NIPBL: variants seen among roughly 807,000 people sequenced by gnomAD.
NIPBL encodes nipped-B-like protein.
NIPBL carries 19 observed loss-of-function variants against 321.8 expected under a neutral mutation model. The ratio of observed to expected loss-of-function variants is 0.06; its 90% CI spans 0.04 to 0.09. The LOEUF (loss-of-function observed/expected upper bound fraction) is 0.09. Among genes scored for constraint, NIPBL ranks in the 10% least tolerant of loss-of-function variants. NIPBL has a pLI of 1.00. For missense variants in NIPBL, 2,210 were observed against 3,327.0 expected, an observed-to-expected ratio of 0.66 and a Z score of 8.26; for synonymous variants, 1,106 against 1,114.1, an observed-to-expected ratio of 0.99 and a Z score of 0.14.
intron 1 of NIPBL, among the ~76,000 whole-genome samples, chr5:36,940,392 A>G (rs566008343): frequency 4.6e-5 from 7 of 152,268 alleles, no homozygotes; most frequent in African/African-American, 1.4e-4. Flanking sequence ...TCAGGAATGA[A>G]CTAATTTGTA....
intron 1 of NIPBL, among the ~76,000 whole-genome samples, chr5:36,926,807 TGTG>T (rs1239631188): frequency 2.0e-4 from 30 of 152,218 alleles, no homozygotes; most frequent in African/African-American, 7.2e-4. Context: ...GTACTAATCA[TGTG>T]GTTTTTAATC....
chr5:36,918,389 T>C (rs1458005842), intron 1 of NIPBL, among the ~76,000 whole-genome samples: 3 of 152,212 alleles, frequency 2.0e-5, no homozygotes, highest in Non-Finnish European at 2.9e-5. Context: ...CCTGAGACTT[T>C]GCTGAAGTTG....
intron 11 of NIPBL, among the ~76,000 whole-genome samples, chr5:36,998,053 TG>T (rs1746349773): frequency 6.6e-6 from 1 of 152,038 alleles, no homozygotes. Flanking sequence ...ACTGGGTGCC[TG>T]GGGAAAATGG....
chr5:36,980,906 A>G (rs1244936153), intron 9 of NIPBL, among the ~76,000 whole-genome samples: 1 of 151,614 alleles, frequency 6.6e-6, no homozygotes, highest in African/African-American at 2.4e-5. Context: ...TTACCTTGAG[A>G]TTTTGAGATG....
chr5:37,016,824 A>G (rs1443332816), intron 23 of NIPBL, among the ~76,000 whole-genome samples, 195 bp from the exon 24 acceptor site: 1 of 152,006 alleles, frequency 6.6e-6, no homozygotes, highest in South Asian at 2.1e-4. Flanking sequence ...TTAATCTGTA[A>G]TTTTTTTAGT....
At chr5:36,971,799 A>G in intron 7 of NIPBL, 146 bp from the exon 8 acceptor site, 1 of 1,457,966 alleles carries the variant, frequency 6.9e-7, no homozygotes, top group Non-Finnish European at 9.1e-7. Context: ...TATACCAAGA[A>G]GAAAACAGGA....
At chr5:37,014,090 C>G (rs1478401686) in intron 21 of NIPBL, among the ~76,000 whole-genome samples, 1 of 152,226 alleles carries the variant, frequency 6.6e-6, no homozygotes, top group Non-Finnish European at 1.5e-5. Flanking sequence ...CTCCTGCAAT[C>G]GCAGCTCTCG....
chr5:37,060,369 G>C (rs1209619707), intron 44 of NIPBL, among the ~76,000 whole-genome samples: 3 of 152,058 alleles, frequency 2.0e-5, no homozygotes, highest in Non-Finnish European at 2.9e-5. Context: ...TAGTTGTGTT[G>C]CTCATGGTAG....
chr5:36,960,161 T>C lies in NIPBL; in HGVS notation c.359-1323T>C, dbSNP rs149645145. 3.7e-3 allele frequency among the ~76,000 whole-genome samples: 559 copies of C among 152,292 alleles called. 3 individuals are homozygous for C. The highest frequency in any genetic ancestry group is 0.013 in the African/African-American group (526 of 41,572). On this transcript the variant is annotated intron_variant, in intron 4 of 46. Transcript: ENST00000282516. ...TGAGTCATGCATGTGGAGAAAATTG[T>C]AATAAAATGCAAATCACTTTAATCA...
chr5:37,047,609 A>G (rs911066249), intron 38 of NIPBL, among the ~76,000 whole-genome samples: 1 of 152,210 alleles, frequency 6.6e-6, no homozygotes, highest in Non-Finnish European at 1.5e-5. Context: ...TAATAGTGTT[A>G]CAAGTATTTC....
chr5:36,952,062 GCGCGCGCGCGCA>G (rs1482556685), intron 1 of NIPBL, among the ~76,000 whole-genome samples: 12 of 132,242 alleles, frequency 9.1e-5, no homozygotes, highest in South Asian at 2.4e-4. Flanking sequence ...GTGCGCGCGC[GCGCGCGCGCGCA>G]TGTGTGTGTG....
rs1216578590 is a variant in NIPBL, at chr5:37,065,753, A to G, written c.*861A>G. Reference sequence around the variant, plus strand: ...CTGCAATATTTAGTATTAACTATATATGATTTAGCACTGTGCCAAACACAT... The same window carrying G: ...CTGCAATATTTAGTATTAACTATATGTGATTTAGCACTGTGCCAAACACAT... On this transcript the variant is annotated 3_prime_UTR_variant, in exon 47 of 47. Coordinates refer to ENST00000282516, the MANE Select transcript of NIPBL (RefSeq NM_133433.4). 6.6e-6 allele frequency: 1 copy of G among 152,632 alleles called. No individual in the cohort carries two copies. The allele number at this position is 152,632 out of a possible 1,614,324, so 9.5% of individuals were successfully genotyped here.
chr5:36,912,254 T>C (rs1029527866), intron 1 of NIPBL, among the ~76,000 whole-genome samples: 9 of 152,240 alleles, frequency 5.9e-5, no homozygotes, highest in Middle Eastern at 3.4e-3. Flanking sequence ...GCTTTAGAGA[T>C]TGAAGTGCTG....
chr5:36,884,072 A>T (rs1326203405), intron 1 of NIPBL, among the ~76,000 whole-genome samples: 1 of 152,066 alleles, frequency 6.6e-6, no homozygotes, highest in Non-Finnish European at 1.5e-5. Context: ...CCATAACGTT[A>T]CCTTCAAGTT....
Position 37,048,488 on chromosome 5 carries a change from C to G in NIPBL, c.6590-14C>G. Reference sequence around the variant, plus strand: ...AATATGAATATATGATGAGATTTTTCCCCTCTCCCATAGGATTTGCCTTTA... The same window carrying G: ...AATATGAATATATGATGAGATTTTTGCCCTCTCCCATAGGATTTGCCTTTA... On this transcript the variant is annotated splice_polypyrimidine_tract_variant and intron_variant, in intron 38 of 46. Transcript: ENST00000282516. 6.8e-7 allele frequency: 1 copy of G among 1,480,050 alleles called. No individual in the cohort carries two copies. The highest frequency in any genetic ancestry group is 9.1e-7 in the Non-Finnish European group (1 of 1,103,296). The allele number at this position is 1,480,050 out of a possible 1,614,324, so 91.7% of individuals were successfully genotyped here. A position where few individuals can be genotyped will look rare whatever the true frequency, so the allele number is the denominator to read the frequency against.
chr5:36,947,430 TATTAA>T (rs1739811271), intron 1 of NIPBL, among the ~76,000 whole-genome samples: 1 of 152,010 alleles, frequency 6.6e-6, no homozygotes, highest in East Asian at 1.9e-4. Flanking sequence ...TCCTTATCAC[TATTAA>T]ATTAGTCTTA....
chr5:36,982,255 T>A, intron 9 of NIPBL: 1 of 969,836 alleles, frequency 1.0e-6, no homozygotes, highest in Non-Finnish European at 1.2e-6. Flanking sequence ...AAATGATTCT[T>A]CATAGAGATG....
In NIPBL at chr5:37,003,148, G is replaced by T. The variant is rs558567520; in HGVS notation, c.3769-113G>T. ...GGGAAAGTTTTCTTACTCTTTAAGA[G>T]GGTGACAATGCTATTTCCTCCATAG... On this transcript the variant is annotated intron_variant, in intron 15 of 46. Coordinates refer to ENST00000282516, the MANE Select transcript of NIPBL (RefSeq NM_133433.4). 23 of 701,338 alleles carry T rather than the reference G, an allele frequency of 3.3e-5. No individual in the cohort carries two copies. The Admixed American group carries it at 4.7e-4, about 14-fold the overall frequency. 43.4% of individuals were successfully genotyped at this position (701,338 alleles called of 1,614,324 possible). A position where few individuals can be genotyped will look rare whatever the true frequency, so the allele number is the denominator to read the frequency against.
chr5:37,030,475 T>C (rs1750868773), intron 32 of NIPBL, among the ~76,000 whole-genome samples: 1 of 152,172 alleles, frequency 6.6e-6, no homozygotes, highest in Admixed American at 6.5e-5. Flanking sequence ...AAGAATGGAC[T>C]GCTGGAGTTA....
Sources: gnomAD v4.1 joint callset for allele counts (sites outside exome capture counted in the v4.1 genomes callset) on GRCh38, gnomAD v4.1.1 for gene constraint, MANE v1.5 for transcripts, NCBI Gene and HGNC (gene_info 2026-07-23, HGNC 2026-07-21) for gene names.